Variants in FKBP15 observed in about 807,000 individuals in gnomAD.
FKBP15 encodes FK506-binding protein 15.
Under a neutral mutation model 158.1 loss-of-function variants are expected in FKBP15, and 106 were observed. The ratio of observed to expected loss-of-function variants is 0.67; its 90% confidence interval spans 0.57 to 0.79. FKBP15 has a LOEUF of 0.79. Ranked by LOEUF, FKBP15 falls within the 30% of genes least tolerant of loss-of-function variation. The pLI, the probability that FKBP15 is intolerant of heterozygous loss-of-function variation, is 0.00. For missense variants in FKBP15, 1,287 were observed against 1,479.1 expected (o/e 0.87, Z 2.13); for synonymous variants, 547 against 548.6 (o/e 1.00, Z 0.04).
Position 113,161,588 on chromosome 9 carries a change from CAACCAGGTACTGGTG to C in FKBP15, c.*4475_*4489del, listed in dbSNP as rs1830012996. On this transcript the variant is annotated 3_prime_UTR_variant, in exon 28 of 28. Coordinates refer to ENST00000238256, the MANE Select transcript of FKBP15 (RefSeq NM_015258.2). ...TCAAGGTTGGCAAAGCCAAGCTGCT[CAACCAGGTACTGGTG>C]AACCTGCCAACCTCCATCAGCCAGC... 6.2e-7 allele frequency: 1 copy of C among 1,614,044 alleles called. No homozygotes were observed. Among genetic ancestry groups the C allele is most frequent in the African/African-American group, 1.3e-5 (1 of 75,064 alleles).
In FKBP15 at chr9:113,184,890, G is replaced by A; in HGVS notation, c.1499-86C>T. 9.7e-7 allele frequency: 1 copy of A among 1,034,260 alleles called. No individual in the cohort carries two copies. Among genetic ancestry groups the A allele is most frequent in the South Asian group, 1.4e-5 (1 of 70,224 alleles). The allele number at this position is 1,034,260 out of a possible 1,614,324, so 64.1% of individuals were successfully genotyped here. On this transcript the variant is annotated intron_variant, in intron 15 of 27. Transcript: ENST00000238256. This position sits in a 1 kb window ranked among gnomAD's most constrained non-coding sequence, Gnocchi z 4.5. ...AAAAGCTAGTAGCTCTTCCAGTAAA[G>A]AAAGAAATTAATACTTCCATACACT...
Position 113,190,581 on chromosome 9 carries a change from A to G in FKBP15, c.1066-3T>C. 6.2e-7 allele frequency: 1 copy of G among 1,603,368 alleles called. No individual in the cohort carries two copies. ...TTGGCTTTGACTGCATCGGGACTCT[A>G]AAAAGAGAGGAAAGTCACAAAAATC... is the stretch of plus-strand genomic sequence containing the variant. On this transcript the variant is annotated splice_polypyrimidine_tract_variant and splice_region_variant and intron_variant, in intron 11 of 27. Coordinates refer to ENST00000238256, the MANE Select transcript of FKBP15 (RefSeq NM_015258.2).
intron 1 of FKBP15, among the ~76,000 whole-genome samples, chr9:113,220,953 A>G (rs1831239361): frequency 1.3e-5 from 2 of 152,182 alleles, no homozygotes; most frequent in African/African-American, 4.8e-5. Flanking sequence ...CCAGAATGCA[A>G]AAGGCAAACC....
In FKBP15 at chr9:113,184,843, G is replaced by A. The variant is rs766794226; in HGVS notation, c.1499-39C>T. The A allele has an allele frequency of 3.4e-6, 5 of 1,485,578 alleles. No homozygotes were observed. In the South Asian group the frequency reaches 4.8e-5, roughly 14 times the overall value. 92.0% of individuals were successfully genotyped at this position (1,485,578 alleles called of 1,614,324 possible). A position where few individuals can be genotyped will look rare whatever the true frequency, so the allele number is the denominator to read the frequency against. ...AGCCAAAAAGAAACTTATGAAACTG[G>A]AGCAGAGGAAACTGTATGAAGAAAA... On this transcript the variant is annotated intron_variant, in intron 15 of 27. Transcript: ENST00000238256. This position sits in a 1 kb window ranked among gnomAD's most constrained non-coding sequence, Gnocchi z 4.5.
rs1320740612 is a variant in FKBP15 at position 113,198,849 on chromosome 9, C to A, written c.717+6G>T. On this transcript the variant is annotated splice_donor_region_variant and intron_variant, in intron 8 of 27. Transcript: ENST00000238256. This position sits in a 1 kb window ranked among gnomAD's most constrained non-coding sequence, Gnocchi z 5.2. ...AAACCATAAAAAAACACAGTTAAGC[C>A]TTTACCTTGATGACTTTTCCTGATC... 5.4e-5 allele frequency: 87 copies of A among 1,597,080 alleles called. No individual in the cohort carries two copies. Among genetic ancestry groups the A allele is most frequent in the Non-Finnish European group, 7.3e-5 (86 of 1,170,470 alleles).
intron 9 of FKBP15, 27 bp downstream of exon 9, chr9:113,196,905 A>G: frequency 1.2e-6 from 2 of 1,609,732 alleles, no homozygotes; most frequent in South Asian, 2.2e-5. Context: ...AGGACTCATC[A>G]AACAAAACAC....
chr9:113,163,691 C>G lies in FKBP15; in HGVS notation c.*2387G>C, dbSNP rs2118843213. On this transcript the variant is annotated 3_prime_UTR_variant, in exon 28 of 28. Transcript: ENST00000238256. The stretch of plus-strand genomic sequence containing the variant: ...CTCTGATAGACTGAGCTCCTTCCAC[C>G]AGAAGGCACTGCCTGCAGGAAGAAG... The G allele has an allele frequency of 6.6e-6, 1 of 152,276 alleles. No individual in the cohort carries two copies. Among genetic ancestry groups the G allele is most frequent in the African/African-American group, 2.4e-5 (1 of 41,408 alleles). The allele number at this position is 152,276 out of a possible 1,614,324, so 9.4% of individuals were successfully genotyped here. A position where few individuals can be genotyped will look rare whatever the true frequency, so the allele number is the denominator to read the frequency against.
At position 113,170,790 on chromosome 9, in the gene FKBP15, G is replaced by A. The variant is rs139319386; in HGVS notation, c.2659-161C>T. 1.6e-4 allele frequency among the ~76,000 whole-genome samples: 24 copies of A among 152,306 alleles called. No individual in the cohort carries two copies. The East Asian group carries it at 4.1e-3, about 26-fold the overall frequency. ...ACACTGAAGGCTGTCACTGTGGAGAGGATGATATTAAATAATGAGCAGCAC... is the reference window on the plus strand; with the variant it reads ...ACACTGAAGGCTGTCACTGTGGAGAAGATGATATTAAATAATGAGCAGCAC... On this transcript the variant is annotated intron_variant, in intron 24 of 27. Transcript: ENST00000238256.
chr9:113,162,587 G>GC lies in FKBP15; in HGVS notation c.*3490_*3491insG. 1 of 572,008 alleles carries GC rather than the reference G, an allele frequency of 1.7e-6. No homozygotes were observed. The highest frequency in any genetic ancestry group is 2.8e-5 in the South Asian group (1 of 35,990). The allele number at this position is 572,008 out of a possible 1,614,324, so 35.4% of individuals were successfully genotyped here. A position where few individuals can be genotyped will look rare whatever the true frequency, so the allele number is the denominator to read the frequency against. ...TAAATCTCGAGTTTTTTCTGGGGGCGGGGGTGGGAGGGGCAGAAAGAAATC... is the reference window on the plus strand; with the variant it reads ...TAAATCTCGAGTTTTTTCTGGGGGCGCGGGGTGGGAGGGGCAGAAAGAAATC... On this transcript the variant is annotated 3_prime_UTR_variant, in exon 28 of 28. Coordinates refer to ENST00000238256, the MANE Select transcript of FKBP15 (RefSeq NM_015258.2).
chr9:113,172,093 G>A lies in FKBP15; in HGVS notation c.2533-387C>T, dbSNP rs1053355452. ...AATTCCCACCTATGAGTGAGAACAT[G>A]CAGTGTTTGGTTTTCTGTCCTTGTG... On this transcript the variant is annotated intron_variant, in intron 23 of 27. Transcript: ENST00000238256. Among the ~76,000 whole-genome samples, 3 of 149,554 alleles carry A rather than the reference G, an allele frequency of 2.0e-5. No individual in the cohort carries two copies. The Admixed American group carries it at 2.0e-4, about 10-fold the overall frequency.
rs1830029810 is a variant in FKBP15 at position 113,162,497 on chromosome 9, T to C, written c.*3581A>G. The C allele has an allele frequency of 2.8e-6, 1 of 360,818 alleles. No individual in the cohort carries two copies. The highest frequency in any genetic ancestry group is 4.9e-5 in the Admixed American group (1 of 20,370). 22.4% of individuals were successfully genotyped at this position (360,818 alleles called of 1,614,324 possible). On this transcript the variant is annotated 3_prime_UTR_variant, in exon 28 of 28. Transcript: ENST00000238256. ...AGACAGATTATAGATACCCTCATTT[T>C]CCCCTTTGCCTAGGATGCCAGGAAG... is the stretch of plus-strand genomic sequence containing the variant.
At chr9:113,173,321 C>G (rs1830246812) in intron 23 of FKBP15, 132 bp downstream of exon 23, 1 of 898,214 alleles carries the variant, frequency 1.1e-6, no homozygotes, top group South Asian at 2.2e-5. Context: ...AACTGACAAG[C>G]TAAACAAGTG....
Position 113,184,583 on chromosome 9 carries a change from TA to T in FKBP15, c.1608+111del. The stretch of plus-strand genomic sequence containing the variant: ...AATTATAACTATCCTTGTAGGGAAA[TA>T]ACCTCTCACTACTACCAATGCAGGA... On this transcript the variant is annotated intron_variant, in intron 16 of 27. Coordinates refer to ENST00000238256, the MANE Select transcript of FKBP15 (RefSeq NM_015258.2). This position sits in a 1 kb window ranked among gnomAD's most constrained non-coding sequence, Gnocchi z 4.5. The T allele has an allele frequency of 1.0e-6, 1 of 971,092 alleles. No homozygotes were observed. The allele number at this position is 971,092 out of a possible 1,614,324, so 60.2% of individuals were successfully genotyped here.
At chr9:113,169,075 G>A (rs369575962) in intron 26 of FKBP15, 149 bp downstream of exon 26, 1 of 1,111,728 alleles carries the variant, frequency 9.0e-7, no homozygotes, top group Admixed American at 3.0e-5. Context: ...CCTTGTACAT[G>A]GTAGGTGTTG....
At chr9:113,171,830 A>T in intron 23 of FKBP15, 124 bp from the exon 24 acceptor site, 1 of 793,590 alleles carries the variant, frequency 1.3e-6, no homozygotes, top group Non-Finnish European at 1.8e-6. Context: ...ATAAAAAGAC[A>T]ATTTTATTTC....
In FKBP15 at chr9:113,198,982, T is replaced by C. The variant is rs1042938897; in HGVS notation, c.649-59A>G. Reference sequence around the variant, plus strand: ...ATTTCAAAAATAATAATAACCATTATGATATTCAACTAACTACATACCAGC... The same window carrying C: ...ATTTCAAAAATAATAATAACCATTACGATATTCAACTAACTACATACCAGC... On this transcript the variant is annotated intron_variant, in intron 7 of 27. Coordinates refer to ENST00000238256, the MANE Select transcript of FKBP15 (RefSeq NM_015258.2). The surrounding 1 kb of genome is among the most constrained non-coding windows in gnomAD (Gnocchi z 5.2). 7.6e-6 allele frequency: 9 copies of C among 1,186,710 alleles called. No individual in the cohort carries two copies. The highest frequency in any genetic ancestry group is 2.0e-5 in the Admixed American group (1 of 50,464). The allele number at this position is 1,186,710 out of a possible 1,614,324, so 73.5% of individuals were successfully genotyped here.
chr9:113,189,818 TAA>T (rs1830544738), intron 12 of FKBP15, among the ~76,000 whole-genome samples: 1 of 152,166 alleles, frequency 6.6e-6, no homozygotes, highest in Non-Finnish European at 1.5e-5. Context: ...AAGTTAAAAT[TAA>T]GTTACTTTAT....
Position 113,169,949 on chromosome 9 carries a change from A to C in FKBP15, c.2767-7T>G, listed in dbSNP as rs1830176414. The C allele has an allele frequency of 1.3e-6, 2 of 1,532,184 alleles. No individual in the cohort carries two copies. The highest frequency in any genetic ancestry group is 1.8e-6 in the Non-Finnish European group (2 of 1,141,864). 94.9% of individuals were successfully genotyped at this position (1,532,184 alleles called of 1,614,324 possible). A position where few individuals can be genotyped will look rare whatever the true frequency, so the allele number is the denominator to read the frequency against. ...ACAGCTGAAGAGTCACCATCTATTC[A>C]AAAGCCAAGGAAGAGATGGTCACTG... On this transcript the variant is annotated splice_region_variant and splice_polypyrimidine_tract_variant and intron_variant, in intron 25 of 27. Transcript: ENST00000238256.
In FKBP15 at chr9:113,184,260, A is replaced by G. The variant is rs1830448671; in HGVS notation, c.1716+32T>C. ...AGAAGAGAGGATGGGTAAGACCTTC[A>G]GCCTGAGTGGTATGTTCTTAATCAC... is the stretch of plus-strand genomic sequence containing the variant. On this transcript the variant is annotated intron_variant, in intron 17 of 27. Transcript: ENST00000238256. The surrounding 1 kb of genome is among the most constrained non-coding windows in gnomAD (Gnocchi z 4.5). 1 of 1,470,688 alleles carries G rather than the reference A, an allele frequency of 6.8e-7. No individual in the cohort carries two copies. The highest frequency in any genetic ancestry group is 1.4e-5 in the African/African-American group (1 of 72,128). The allele number at this position is 1,470,688 out of a possible 1,614,324, so 91.1% of individuals were successfully genotyped here.
Sources: allele counts gnomAD v4.1 joint callset (sites outside exome capture counted in the v4.1 genomes callset), GRCh38; gene constraint gnomAD v4.1.1; non-coding constraint Gnocchi (gnomAD v3.1); transcripts MANE v1.5; gene names NCBI Gene and HGNC (gene_info 2026-07-23, HGNC 2026-07-21).